The following DLGAP2 variants were observed in gnomAD, a reference collection of about 807,000 sequenced individuals.
DLGAP2 encodes disks large-associated protein 2.
A neutral mutation model predicts 100.3 loss-of-function variants in DLGAP2; 26 were observed. That is an observed-to-expected ratio of 0.26 (90% CI 0.19 to 0.36). The LOEUF is 0.36. Ranked by LOEUF, DLGAP2 falls within the 10% of genes least tolerant of loss-of-function variation. The probability of loss-of-function intolerance (pLI) is 1.00; values close to 1 mark genes in which losing one functional copy is unlikely to be tolerated. For missense variants in DLGAP2, 1,858 were observed against 1,453.2 expected (o/e 1.28, Z -4.53); for synonymous variants, 886 against 630.1 (o/e 1.41, Z -6.08).
intron 1 of DLGAP2, among the ~76,000 whole-genome samples, chr8:823,025 G>C (rs1796612240): frequency 6.6e-6 from 1 of 152,072 alleles, no homozygotes; most frequent in Admixed American, 6.6e-5. Flanking sequence ...TTCCAGAGGT[G>C]CTTTGCACTG....
At chr8:1,364,043 T>C (rs753228635) in intron 3 of DLGAP2, among the ~76,000 whole-genome samples, 2 of 152,040 alleles carry the variant, frequency 1.3e-5, no homozygotes, top group Non-Finnish European at 2.9e-5. Context: ...TGGAACCCCA[T>C]ATGGGGGTCT....
At chr8:1,555,063 T>C (rs964226464) in intron 5 of DLGAP2, among the ~76,000 whole-genome samples, 4 of 152,268 alleles carry the variant, frequency 2.6e-5, no homozygotes, top group African/African-American at 7.2e-5. Context: ...TTGTTTTAAG[T>C]GGCTCATGGT....
intron 2 of DLGAP2, among the ~76,000 whole-genome samples, chr8:1,224,926 A>C (rs1015721338): frequency 3.3e-5 from 5 of 152,264 alleles, no homozygotes; most frequent in African/African-American, 7.2e-5. Context: ...TGACAAAATT[A>C]ATCGGAAGCA....
intron 3 of DLGAP2, among the ~76,000 whole-genome samples, chr8:1,383,695 T>C (rs1485945492): frequency 6.6e-6 from 1 of 152,172 alleles, no homozygotes; most frequent in Non-Finnish European, 1.5e-5. Context: ...CTGAGGCTCT[T>C]CTCTGTAAGG....
chr8:1,417,165 A>AGACCGG (rs1563133726), intron 3 of DLGAP2, among the ~76,000 whole-genome samples: 2 of 83,374 alleles, frequency 2.4e-5, no homozygotes, highest in East Asian at 4.2e-4. Flanking sequence ...AGTGAAGGGG[A>AGACCGG]AGCCCCCGTT....
chr8:1,700,777 G>C (rs1439338862), intron 14 of DLGAP2, among the ~76,000 whole-genome samples: 1 of 152,226 alleles, frequency 6.6e-6, no homozygotes, highest in Non-Finnish European at 1.5e-5. Context: ...AAACCCTGCA[G>C]TGTTGAATAG....
intron 3 of DLGAP2, among the ~76,000 whole-genome samples, chr8:1,261,143 G>A (rs529797914): frequency 6.6e-6 from 1 of 152,008 alleles, no homozygotes; most frequent in Non-Finnish European, 1.5e-5. Context: ...GACTGGGAGG[G>A]CAGGTCAGCT....
At position 1,681,044 on chromosome 8, in the gene DLGAP2, GA is replaced by G. The variant is rs200853170; in HGVS notation, c.2704+2421del. On this transcript the variant is annotated intron_variant, in intron 12 of 14. Transcript: ENST00000637795. ...AACACCTTTGAGGAGGAGGAGAGAGGAAAAAATTTAGGAGAGAGGAAAAAAT... is the reference window on the plus strand; with the variant it reads ...AACACCTTTGAGGAGGAGGAGAGAGGAAAAATTTAGGAGAGAGGAAAAAAT... Among the ~76,000 whole-genome samples, 1,453 of 151,870 alleles carry G rather than the reference GA, an allele frequency of 9.6e-3. 18 individuals are homozygous for G. Among genetic ancestry groups the G allele is most frequent in the African/African-American group, 0.033 (1,381 of 41,306 alleles).
intron 12 of DLGAP2, among the ~76,000 whole-genome samples, chr8:1,683,856 ATGTGTGTGTGTGTGTGTGTGTG>A (rs10583520): frequency 8.0e-5 from 5 of 62,228 alleles, no homozygotes; most frequent in South Asian, 7.8e-4. Context: ...ATATATATAT[ATGTGTGTGTGTGTGTGTGTGTG>A]TGTGTGTGTG....
chr8:1,539,636 C>T (rs1351919373), intron 4 of DLGAP2, among the ~76,000 whole-genome samples: 3 of 151,280 alleles, frequency 2.0e-5, no homozygotes, highest in African/African-American at 7.3e-5. Context: ...AGGATGCCCG[C>T]CCTCACCAGG....
At chr8:891,201 G>A (rs2128995556) in intron 1 of DLGAP2, 1 of 152,614 alleles carries the variant, frequency 6.6e-6, no homozygotes, top group African/African-American at 2.4e-5. Flanking sequence ...CATGGCTGAA[G>A]GTGAAAGGCG....
At position 1,386,604 on chromosome 8, in the gene DLGAP2, T is replaced by C. The variant is rs567828831; in HGVS notation, c.107-114762T>C. 1.2e-3 allele frequency among the ~76,000 whole-genome samples: 176 copies of C among 152,262 alleles called. 1 individual carries two copies. Among genetic ancestry groups the C allele is most frequent in the African/African-American group, 3.0e-3 (126 of 41,544 alleles). ...CACACAGAGTCTCTGAGGCTCCCCTTCGCTCTCTCAGGAAGATTCGGAGGA... is the reference window on the plus strand; with the variant it reads ...CACACAGAGTCTCTGAGGCTCCCCTCCGCTCTCTCAGGAAGATTCGGAGGA... On this transcript the variant is annotated intron_variant, in intron 3 of 14. Transcript: ENST00000637795.
intron 1 of DLGAP2, among the ~76,000 whole-genome samples, chr8:854,169 T>C (rs1797233028): frequency 6.6e-6 from 1 of 152,174 alleles, no homozygotes; most frequent in African/African-American, 2.4e-5. Flanking sequence ...AGCAGCCACA[T>C]AGACTAAGAC....
chr8:1,535,124 C>T (rs913377278), intron 4 of DLGAP2, among the ~76,000 whole-genome samples: 1 of 152,242 alleles, frequency 6.6e-6, no homozygotes, highest in Non-Finnish European at 1.5e-5. Flanking sequence ...GAGGCAGGCC[C>T]TGTCTCAGCA....
chr8:1,001,524 A>G (rs1260907597), intron 2 of DLGAP2, among the ~76,000 whole-genome samples: 1 of 152,212 alleles, frequency 6.6e-6, no homozygotes, highest in Non-Finnish European at 1.5e-5. Context: ...TGTAATAATT[A>G]AAATATTGAG....
chr8:1,616,134 A>G (rs190814170), intron 6 of DLGAP2, among the ~76,000 whole-genome samples: 4 of 152,304 alleles, frequency 2.6e-5, no homozygotes, highest in Non-Finnish European at 5.9e-5. Flanking sequence ...GGATGTGTTT[A>G]AGAGCGAATT....
intron 1 of DLGAP2, among the ~76,000 whole-genome samples, chr8:881,666 A>ACATATATATATATATATATATATATAT: frequency 7.6e-6 from 1 of 131,048 alleles, no homozygotes; most frequent in African/African-American, 2.7e-5. Flanking sequence ...CTTGTGGCTG[A>ACATATATATATATATATATATATATAT]ACACACACAC....
intron 1 of DLGAP2, among the ~76,000 whole-genome samples, chr8:852,020 C>G (rs1267939300): frequency 6.6e-6 from 1 of 152,220 alleles, no homozygotes; most frequent in Non-Finnish European, 1.5e-5. Flanking sequence ...CCCCTAAACC[C>G]AAGCTCCCAC....
intron 3 of DLGAP2, among the ~76,000 whole-genome samples, chr8:1,303,001 C>T (rs1475489019): frequency 6.6e-6 from 1 of 152,218 alleles, no homozygotes; most frequent in African/African-American, 2.4e-5. Context: ...CGGCTGCAGG[C>T]TGTGAGGATG....
Sources: gnomAD v4.1 joint callset for allele counts (sites outside exome capture counted in the v4.1 genomes callset) on GRCh38, gnomAD v4.1.1 for gene constraint, MANE v1.5 for transcripts, NCBI Gene and HGNC (gene_info 2026-07-23, HGNC 2026-07-21) for gene names.